The following GRID2 variants were observed in gnomAD, a reference collection of about 807,000 sequenced individuals.
The protein encoded by GRID2 is glutamate receptor ionotropic, delta-2.
A neutral mutation model predicts 114.8 loss-of-function variants in GRID2; 33 were observed. That is an observed-to-expected ratio of 0.29 (90% CI 0.22 to 0.38). GRID2 has a LOEUF of 0.38. Ranked by LOEUF, GRID2 falls within the 10% of genes least tolerant of loss-of-function variation. GRID2 has a pLI of 1.00. For missense variants in GRID2, 1,184 were observed against 1,257.7 expected, an observed-to-expected ratio of 0.94 and a Z score of 0.89; for synonymous variants, 505 against 449.9, an observed-to-expected ratio of 1.12 and a Z score of -1.55.
At chr4:92,417,943 C>T (rs1336974198) in intron 1 of GRID2, among the ~76,000 whole-genome samples, 1 of 152,160 alleles carries the variant, frequency 6.6e-6, no homozygotes, top group Non-Finnish European at 1.5e-5. Flanking sequence ...TGTGACTTTG[C>T]TCATCCTTTG....
At chr4:92,372,839 G>A (rs2110221479) in intron 1 of GRID2, among the ~76,000 whole-genome samples, 1 of 152,214 alleles carries the variant, frequency 6.6e-6, no homozygotes, top group African/African-American at 2.4e-5. Context: ...TGACTCTGAT[G>A]CTGTATAAGT....
intron 2 of GRID2, among the ~76,000 whole-genome samples, chr4:92,789,343 G>A (rs1739464830): frequency 6.6e-6 from 1 of 151,798 alleles, no homozygotes; most frequent in Non-Finnish European, 1.5e-5. Flanking sequence ...ACTGTTTTCA[G>A]GACTCCATTA....
chr4:92,549,318 C>A (rs1266020715), intron 1 of GRID2, among the ~76,000 whole-genome samples: 1 of 152,092 alleles, frequency 6.6e-6, no homozygotes, highest in African/African-American at 2.4e-5. Flanking sequence ...TTAATGTGAT[C>A]TGAGATATGG....
chr4:93,345,735 C>G (rs964204319), intron 8 of GRID2, among the ~76,000 whole-genome samples: 9 of 151,888 alleles, frequency 5.9e-5, no homozygotes, highest in African/African-American at 2.2e-4. Flanking sequence ...TGTCAAGAAG[C>G]CTTAATTCTA....
intron 1 of GRID2, among the ~76,000 whole-genome samples, chr4:92,339,417 A>T (rs1184776158): frequency 1.3e-5 from 2 of 152,184 alleles, no homozygotes; most frequent in African/African-American, 4.8e-5. Flanking sequence ...TAGCAAAGGA[A>T]GAAAATTCGT....
At position 92,733,030 on chromosome 4, in the gene GRID2, C is replaced by A. The variant is rs1032971866; in HGVS notation, c.244+142744C>A. Among the ~76,000 whole-genome samples, 5 of 152,102 alleles carry A rather than the reference C, an allele frequency of 3.3e-5. No homozygotes were observed. The South Asian group carries it at 1.0e-3, about 32-fold the overall frequency. The stretch of plus-strand genomic sequence containing the variant: ...ACAGAAACAGATACCCACAAAGAGA[C>A]TTGAAAGATTTGCTTTTAAATCAGG... On this transcript the variant is annotated intron_variant, in intron 2 of 15. Coordinates refer to ENST00000282020, the MANE Select transcript of GRID2 (RefSeq NM_001510.4).
intron 2 of GRID2, among the ~76,000 whole-genome samples, chr4:92,647,344 T>C (rs1237165398): frequency 1.1e-5 from 1 of 92,152 alleles, no homozygotes; most frequent in Middle Eastern, 5.6e-3. Flanking sequence ...AATTTTGTTT[T>C]TTGAACAAAG....
Position 92,304,210 on chromosome 4 carries a change from G to A in GRID2, c.-447G>A, listed in dbSNP as rs529432896. On this transcript the variant is annotated 5_prime_UTR_variant, in exon 1 of 16. Transcript: ENST00000282020. ...CTCTGCGGGCTGTAGGGGCGGGGGCGGGGGTCTTTTTTGGTCCGAGAGGGT... is the reference window on the plus strand; with the variant it reads ...CTCTGCGGGCTGTAGGGGCGGGGGCAGGGGTCTTTTTTGGTCCGAGAGGGT... The A allele has an allele frequency of 1.3e-4, 24 of 179,488 alleles. 1 individual carries two copies. The South Asian group carries it at 2.4e-3, about 18-fold the overall frequency. 11.1% of individuals were successfully genotyped at this position (179,488 alleles called of 1,614,324 possible).
intron 2 of GRID2, among the ~76,000 whole-genome samples, chr4:92,845,912 T>C (rs191148418): frequency 7.9e-4 from 120 of 152,236 alleles, no homozygotes; most frequent in African/African-American, 2.8e-3. Context: ...CATTTTATGG[T>C]CATAGCCCTT....
chr4:92,344,991 G>T (rs547124052), intron 1 of GRID2, among the ~76,000 whole-genome samples: 1 of 152,152 alleles, frequency 6.6e-6, no homozygotes, highest in Non-Finnish European at 1.5e-5. Context: ...TGTCACCCAA[G>T]TAGTGTACAC....
chr4:92,847,285 T>A (rs897358300), intron 2 of GRID2, among the ~76,000 whole-genome samples: 1 of 152,060 alleles, frequency 6.6e-6, no homozygotes, highest in African/African-American at 2.4e-5. Context: ...AACTGCAGAA[T>A]CTCAACCCCC....
At chr4:92,329,642 G>T (rs1232822678) in intron 1 of GRID2, among the ~76,000 whole-genome samples, 3 of 151,920 alleles carry the variant, frequency 2.0e-5, no homozygotes, top group African/African-American at 7.2e-5. Context: ...ACATTTTGTA[G>T]AATATCTACA....
chr4:92,953,621 T>A (rs896989878), intron 2 of GRID2, among the ~76,000 whole-genome samples: 3 of 152,082 alleles, frequency 2.0e-5, no homozygotes, highest in African/African-American at 7.2e-5. Context: ...CTAACCAGAA[T>A]TACAGCTCAA....
At chr4:92,565,392 T>C (rs1054409881) in intron 1 of GRID2, among the ~76,000 whole-genome samples, 42 of 152,086 alleles carry the variant, frequency 2.8e-4, no homozygotes, top group African/African-American at 9.9e-4. Flanking sequence ...TGCTAAGAGC[T>C]AGAAGCTTTA....
At chr4:92,462,156 T>C (rs1410726220) in intron 1 of GRID2, among the ~76,000 whole-genome samples, 1 of 152,082 alleles carries the variant, frequency 6.6e-6, no homozygotes, top group Non-Finnish European at 1.5e-5. Context: ...TTTTGTTTCT[T>C]TCTAGAAAGA....
intron 1 of GRID2, among the ~76,000 whole-genome samples, chr4:92,532,621 G>A (rs1232328628): frequency 1.3e-5 from 2 of 152,102 alleles, no homozygotes; most frequent in African/African-American, 4.8e-5. Flanking sequence ...TTTGACAATA[G>A]ATGGCCTCTA....
chr4:93,275,043 T>A (rs894949974), intron 8 of GRID2, among the ~76,000 whole-genome samples: 5 of 151,990 alleles, frequency 3.3e-5, no homozygotes, highest in Non-Finnish European at 7.4e-5. Context: ...AAGAAGAAAC[T>A]GTACATCCAA....
intron 13 of GRID2, among the ~76,000 whole-genome samples, chr4:93,578,856 G>A (rs1736695375): frequency 6.6e-6 from 1 of 152,154 alleles, no homozygotes; most frequent in South Asian, 2.1e-4. Flanking sequence ...GCCTCCCAGA[G>A]TGCTGGGATT....
chr4:93,551,658 C>T (rs1257659191), intron 13 of GRID2, among the ~76,000 whole-genome samples: 1 of 152,148 alleles, frequency 6.6e-6, no homozygotes, highest in Non-Finnish European at 1.5e-5. Flanking sequence ...GACTCTAAAG[C>T]CTGTAACTCT....
Sources: allele counts gnomAD v4.1 joint callset (sites outside exome capture counted in the v4.1 genomes callset), GRCh38; gene constraint gnomAD v4.1.1; transcripts MANE v1.5; gene names NCBI Gene and HGNC (gene_info 2026-07-23, HGNC 2026-07-21).